CUL2: variants seen among roughly 807,000 people sequenced by gnomAD.
The protein encoded by CUL2 is cullin-2.
Under a neutral mutation model 110.2 loss-of-function variants are expected in CUL2, and 22 were observed. The observed-to-expected ratio is 0.20, with a 90% CI of 0.14 to 0.28. CUL2 has a LOEUF of 0.28. Ranked by LOEUF, CUL2 falls within the 10% of genes least tolerant of loss-of-function variation. CUL2 has a pLI of 1.00. For missense variants in CUL2, 631 were observed against 905.5 expected, an observed-to-expected ratio of 0.70 and a Z score of 3.89; for synonymous variants, 279 against 293.2, an observed-to-expected ratio of 0.95 and a Z score of 0.49.
At position 35,035,351 on chromosome 10, in the gene CUL2, TAATATATGGATCCAAGTGCAGGAGTAC is replaced by T. The variant is rs549163980; in HGVS notation, c.878-82_878-56del. On this transcript the variant is annotated intron_variant, in intron 9 of 20. Transcript: ENST00000374749. ...CTCCCAAATATTTTCATTTATTAGG[TAATATATGGATCCAAGTGCAGGAGTAC>T]AATATACGGATCCAAGTGCAGAGCA... The T allele has an allele frequency of 1.4e-3, 2,265 of 1,588,508 alleles. 28 individuals carry two copies. The African/African-American group carries it at 0.025, about 17-fold the overall frequency.
intron 5 of CUL2, among the ~76,000 whole-genome samples, 173 bp from the exon 6 acceptor site, chr10:35,049,938 A>ATTTTTTTTTTTTTTTTTTTTT: frequency 6.6e-6 from 1 of 152,322 alleles, no homozygotes; most frequent in Admixed American, 6.5e-5. Context: ...CAAATTTCTA[A>ATTTTTTTTTTTTTTTTTTTTT]TTTGAAATAT....
intron 1 of CUL2, among the ~76,000 whole-genome samples, chr10:35,081,309 A>G (rs1045398243): frequency 1.5e-4 from 23 of 152,194 alleles, no homozygotes; most frequent in African/African-American, 5.3e-4. Flanking sequence ...TTAGACTCCC[A>G]TAAGACTGCA....
chr10:35,044,091 T>C (rs1403761372), intron 8 of CUL2, among the ~76,000 whole-genome samples: 1 of 150,500 alleles, frequency 6.6e-6, no homozygotes, highest in Admixed American at 6.6e-5. Context: ...CACGTGGGGT[T>C]GTCTCTCAGC....
intron 17 of CUL2, among the ~76,000 whole-genome samples, chr10:35,020,824 A>C (rs1485553090): frequency 6.6e-6 from 1 of 152,082 alleles, no homozygotes; most frequent in Non-Finnish European, 1.5e-5. Flanking sequence ...AATCCAGTGG[A>C]ATTTTCAGGA....
chr10:35,060,037 A>G (rs989737515), intron 4 of CUL2, among the ~76,000 whole-genome samples: 1 of 152,202 alleles, frequency 6.6e-6, no homozygotes, highest in African/African-American at 2.4e-5. Context: ...AGGAGGGAGG[A>G]CTGCTTAAGC....
Position 35,031,418 on chromosome 10 carries a change from C to G in CUL2, c.1300-32G>C, listed in dbSNP as rs202048847. 2.4e-5 allele frequency: 38 copies of G among 1,597,154 alleles called. No homozygotes were observed. The African/African-American group carries it at 4.0e-4, about 17-fold the overall frequency. On this transcript the variant is annotated intron_variant, in intron 13 of 20. Transcript: ENST00000374749. The surrounding 1 kb of genome is among the most constrained non-coding windows in gnomAD (Gnocchi z 4.4). Reference sequence around the variant, plus strand: ...TTAAAAATATTTTAAAAGATTACTTCCTTTCTAATGATTTAGCATTCAGAA... The same window carrying G: ...TTAAAAATATTTTAAAAGATTACTTGCTTTCTAATGATTTAGCATTCAGAA...
chr10:35,080,816 A>G (rs2086929098), intron 1 of CUL2, among the ~76,000 whole-genome samples: 1 of 152,192 alleles, frequency 6.6e-6, no homozygotes, highest in Non-Finnish European at 1.5e-5. Flanking sequence ...GTGAACAGAC[A>G]TATGGTGTGT....
intron 4 of CUL2, 33 bp from the exon 5 acceptor site, chr10:35,054,572 A>T: frequency 8.6e-7 from 1 of 1,162,678 alleles, no homozygotes; most frequent in Non-Finnish European, 1.2e-6. Context: ...ATGGATATTA[A>T]GTTAAAGTCA....
intron 12 of CUL2, 114 bp downstream of exon 12, chr10:35,032,321 T>A: frequency 1.2e-6 from 1 of 845,318 alleles, no homozygotes. Flanking sequence ...TAGATAATTT[T>A]CCTTCTATTT....
intron 1 of CUL2, among the ~76,000 whole-genome samples, chr10:35,121,641 CCT>C (rs933936416): frequency 7.9e-5 from 12 of 152,152 alleles, no homozygotes; most frequent in African/African-American, 2.9e-4. Flanking sequence ...TTCCTCTTTT[CCT>C]CATGCCTTTC....
chr10:35,024,227 A>G (rs1321905026), intron 17 of CUL2, among the ~76,000 whole-genome samples: 2 of 152,200 alleles, frequency 1.3e-5, no homozygotes, highest in South Asian at 2.1e-4. Context: ...AGAATGTCCA[A>G]CTTGCTCAGT....
chr10:35,108,398 A>G (rs2087488961), intron 1 of CUL2, among the ~76,000 whole-genome samples: 1 of 151,682 alleles, frequency 6.6e-6, no homozygotes, highest in African/African-American at 2.4e-5. Context: ...TTGAGGCTGC[A>G]GTGAGCCAAG....
At chr10:35,100,000 C>T (rs1046568237) in intron 2 of CUL2, among the ~76,000 whole-genome samples, 4 of 152,134 alleles carry the variant, frequency 2.6e-5, no homozygotes, top group African/African-American at 9.6e-5. Context: ...GAGACAGAGT[C>T]TTGCTATGTT....
chr10:35,066,805 G>C (rs1011203922), intron 2 of CUL2, among the ~76,000 whole-genome samples: 2 of 152,106 alleles, frequency 1.3e-5, no homozygotes, highest in African/African-American at 4.8e-5. Flanking sequence ...CCTGACTATA[G>C]ATAAAATCTT....
intron 2 of CUL2, among the ~76,000 whole-genome samples, chr10:35,065,369 C>A (rs568067863): frequency 2.0e-5 from 3 of 152,228 alleles, no homozygotes; most frequent in African/African-American, 7.2e-5. Flanking sequence ...GCCTGTAATC[C>A]CAGCACTTTA....
At position 35,077,256 on chromosome 10, in the gene CUL2, T is replaced by C. The variant is rs574263492; in HGVS notation, c.-22-5917A>G. ...ATGAAGAGGGCCACAAAATAGCCAC[T>C]GCACTCCAGTCTGGGCAACAGAGCA... On this transcript the variant is annotated intron_variant, in intron 1 of 20. Transcript: ENST00000374749. Among the ~76,000 whole-genome samples, 18 of 149,276 alleles carry C rather than the reference T, an allele frequency of 1.2e-4. No individual in the cohort carries two copies. In the South Asian group the frequency reaches 3.6e-3, roughly 30 times the overall value.
At chr10:35,034,028 C>T (rs191274904) in intron 10 of CUL2, among the ~76,000 whole-genome samples, 1 of 152,300 alleles carries the variant, frequency 6.6e-6, no homozygotes, top group East Asian at 1.9e-4. Context: ...CCCTTGAACT[C>T]GGCAAGACAA....
chr10:35,051,844 CA>C (rs2086121118), intron 5 of CUL2, among the ~76,000 whole-genome samples: 1 of 152,116 alleles, frequency 6.6e-6, no homozygotes, highest in South Asian at 2.1e-4. Flanking sequence ...CAGTCTGTCC[CA>C]GTAAATCAAC....
At chr10:35,072,460 C>T (rs1035299270) in intron 1 of CUL2, among the ~76,000 whole-genome samples, 2 of 152,006 alleles carry the variant, frequency 1.3e-5, no homozygotes, top group African/African-American at 4.8e-5. Context: ...CCTTCACCTC[C>T]CAGGTTCAGG....
Sources: gnomAD v4.1 joint callset for allele counts (sites outside exome capture counted in the v4.1 genomes callset) on GRCh38, gnomAD v4.1.1 for gene constraint, Gnocchi (gnomAD v3.1) non-coding constraint, MANE v1.5 for transcripts, NCBI Gene and HGNC (gene_info 2026-07-23, HGNC 2026-07-21) for gene names.